KALRN: variants seen among roughly 807,000 people sequenced by gnomAD.
The protein encoded by KALRN is kalirin RhoGEF kinase.
KALRN carries 70 observed loss-of-function variants against 353.7 expected under a neutral mutation model. The ratio of observed to expected loss-of-function variants is 0.20; its 90% CI spans 0.16 to 0.24. The LOEUF (loss-of-function observed/expected upper bound fraction) is 0.24, where lower values mean the gene tolerates loss of function less well. KALRN is among the 10% of genes least tolerant of loss of function. The probability of loss-of-function intolerance (pLI) is 1.00; values close to 1 mark genes in which losing one functional copy is unlikely to be tolerated. For missense variants in KALRN, 2,791 were observed against 3,756.7 expected, an observed-to-expected ratio of 0.74 and a Z score of 6.72; for synonymous variants, 1,391 against 1,434.8, an observed-to-expected ratio of 0.97 and a Z score of 0.69.
At chr3:124,148,084 A>G (rs1444188552) in intron 1 of KALRN, among the ~76,000 whole-genome samples, 3 of 152,206 alleles carry the variant, frequency 2.0e-5, no homozygotes, top group Non-Finnish European at 4.4e-5. Flanking sequence ...CATCCCACCC[A>G]GATGTATAGA....
chr3:124,609,101 C>G (rs767781547), intron 34 of KALRN, among the ~76,000 whole-genome samples: 3 of 152,190 alleles, frequency 2.0e-5, no homozygotes, highest in Non-Finnish European at 4.4e-5. Context: ...TACTGCTTTA[C>G]AGGTATACAT....
chr3:124,678,042 C>G, intron 49 of KALRN, 148 bp from the exon 50 acceptor site: 1 of 783,394 alleles, frequency 1.3e-6, no homozygotes, highest in South Asian at 1.6e-5. Context: ...GCCAGCCACC[C>G]TTGGAGCTGG....
At chr3:124,555,461 ATAAAG>A (rs1222144020) in intron 33 of KALRN, among the ~76,000 whole-genome samples, 1 of 147,156 alleles carries the variant, frequency 6.8e-6, no homozygotes, top group African/African-American at 2.7e-5. Context: ...AAATAAATAA[ATAAAG>A]TTATCTTGTT....
chr3:124,714,786 T>A (rs1488098861), intron 58 of KALRN, among the ~76,000 whole-genome samples: 1 of 152,104 alleles, frequency 6.6e-6, no homozygotes, highest in African/African-American at 2.4e-5. Flanking sequence ...GAGGCCGAGG[T>A]GGGCGGATCA....
At chr3:124,518,640 G>A in intron 33 of KALRN, 3 of 1,469,680 alleles carry the variant, frequency 2.0e-6, no homozygotes, top group Non-Finnish European at 1.8e-6. Context: ...CCTGGGCCAT[G>A]GGCTCACCCT....
intron 10 of KALRN, among the ~76,000 whole-genome samples, chr3:124,381,757 C>T (rs905082505): frequency 5.9e-5 from 9 of 152,166 alleles, no homozygotes; most frequent in African/African-American, 2.2e-4. Flanking sequence ...CTATTGCATA[C>T]CAGCCACAGC....
intron 1 of KALRN, among the ~76,000 whole-genome samples, chr3:124,198,000 C>T (rs1394917981): frequency 6.6e-6 from 1 of 152,156 alleles, no homozygotes; most frequent in African/African-American, 2.4e-5. Context: ...ATGCAATTCT[C>T]CAGGCACTGT....
At chr3:124,382,774 C>G (rs1373920377) in intron 10 of KALRN, among the ~76,000 whole-genome samples, 2 of 152,154 alleles carry the variant, frequency 1.3e-5, no homozygotes, top group Admixed American at 6.5e-5. Flanking sequence ...TAAAATACCT[C>G]TCTCCCATCA....
chr3:124,579,653 C>CCT (rs2074438317), intron 34 of KALRN, among the ~76,000 whole-genome samples: 1 of 151,992 alleles, frequency 6.6e-6, no homozygotes, highest in South Asian at 2.1e-4. Flanking sequence ...GGGAAACCTA[C>CCT]CTCTCTCTCT....
intron 33 of KALRN, among the ~76,000 whole-genome samples, chr3:124,498,405 G>C (rs959888963): frequency 2.0e-5 from 3 of 152,112 alleles, no homozygotes; most frequent in African/African-American, 4.8e-5. Flanking sequence ...AGCTGTGTCT[G>C]TCTGTTTCAT....
intron 1 of KALRN, among the ~76,000 whole-genome samples, chr3:124,075,090 T>C (rs2060199594): frequency 6.6e-6 from 1 of 152,232 alleles, no homozygotes; most frequent in Admixed American, 6.5e-5. Flanking sequence ...AGTCCTATTC[T>C]TAAGCTATGT....
In KALRN at chr3:124,294,093, G is replaced by A. The variant is rs144635998; in HGVS notation, c.970-4698G>A. Among the ~76,000 whole-genome samples the A allele has an allele frequency of 2.3e-3, 354 of 152,128 alleles. 2 individuals carry two copies. Among genetic ancestry groups the A allele is most frequent in the African/African-American group, 8.2e-3 (340 of 41,478 alleles). On this transcript the variant is annotated intron_variant, in intron 5 of 59. Coordinates refer to ENST00000682506, the MANE Select transcript of KALRN (RefSeq NM_001388419.1). ...GAGGAGCAGGCTAGATATTGACAGG[G>A]AAGTGTTCCAACTGAGGAATAGCAC... is the stretch of plus-strand genomic sequence containing the variant.
intron 1 of KALRN, among the ~76,000 whole-genome samples, chr3:124,124,959 G>A (rs1417532826): frequency 1.3e-5 from 2 of 152,102 alleles, no homozygotes; most frequent in Non-Finnish European, 2.9e-5. Context: ...ATACCTCTGA[G>A]GTATACCTGT....
rs1473172525 is a variant in KALRN, at chr3:124,384,827, C to A, written c.1771-18C>A. Reference sequence around the variant, plus strand: ...GCGCGACTGCAACTTGACTTTGCCTCACTGTTGTTGCTGGCAGAATACGTA... The same window carrying A: ...GCGCGACTGCAACTTGACTTTGCCTAACTGTTGTTGCTGGCAGAATACGTA... On this transcript the variant is annotated intron_variant, in intron 10 of 59. Coordinates refer to ENST00000682506, the MANE Select transcript of KALRN (RefSeq NM_001388419.1). 1 of 1,560,124 alleles carries A rather than the reference C, an allele frequency of 6.4e-7. No individual in the cohort carries two copies. Among genetic ancestry groups the A allele is most frequent in the Non-Finnish European group, 8.7e-7 (1 of 1,146,234 alleles).
At chr3:124,642,377 G>A (rs745433623) in intron 37 of KALRN, among the ~76,000 whole-genome samples, 52 of 152,272 alleles carry the variant, frequency 3.4e-4, no homozygotes, top group Admixed American at 9.2e-4. Flanking sequence ...GCACACTAGC[G>A]TAGTTCACTG....
intron 1 of KALRN, among the ~76,000 whole-genome samples, chr3:124,131,889 C>G (rs1560034712): frequency 1.3e-5 from 2 of 152,200 alleles, no homozygotes; most frequent in Admixed American, 6.5e-5. Flanking sequence ...CTTCCCTGGA[C>G]CTTAGTTCCT....
intron 34 of KALRN, among the ~76,000 whole-genome samples, chr3:124,580,604 C>T (rs985853096): frequency 2.0e-5 from 3 of 152,156 alleles, no homozygotes; most frequent in Admixed American, 6.6e-5. Flanking sequence ...AACTAATAAA[C>T]CTGGTCACAT....
chr3:124,525,613 G>A (rs188382597), intron 33 of KALRN, among the ~76,000 whole-genome samples: 2 of 152,322 alleles, frequency 1.3e-5, no homozygotes, highest in Admixed American at 6.5e-5. Flanking sequence ...ACTTGCCTGG[G>A]ATCTTGGCCT....
intron 1 of KALRN, among the ~76,000 whole-genome samples, chr3:124,120,706 CTAAAAATATATATATA>C (rs2063890953): frequency 1.3e-5 from 1 of 77,700 alleles, no homozygotes; most frequent in Admixed American, 1.6e-4. Context: ...GATAGGAATA[CTAAAAATATATATATA>C]TATATATATA....
Sources: allele counts gnomAD v4.1 joint callset (sites outside exome capture counted in the v4.1 genomes callset), GRCh38; gene constraint gnomAD v4.1.1; transcripts MANE v1.5; gene names NCBI Gene and HGNC (gene_info 2026-07-23, HGNC 2026-07-21).